ZC3H12B: variants seen among roughly 807,000 people sequenced by gnomAD.
ZC3H12B encodes the protein zinc finger CCCH-type containing 12B.
A neutral mutation model predicts 43.9 loss-of-function variants in ZC3H12B; 7 were observed. The ratio of observed to expected loss-of-function variants is 0.16; its 90% CI spans 0.09 to 0.30. ZC3H12B has a LOEUF of 0.30. Among genes scored for constraint, ZC3H12B ranks in the 10% least tolerant of loss-of-function variants. ZC3H12B has a pLI of 1.00. For synonymous variants in ZC3H12B, 222 were observed against 241.7 expected (o/e 0.92, Z 0.76); for missense variants, 475 against 670.2 (o/e 0.71, Z 3.22).
At chrX:65,086,106 A>G in the ZC3H12B span, among the ~76,000 whole-genome samples, 1 of 102,305 alleles carries the variant, frequency 9.8e-6, no homozygotes, top group African/African-American at 3.7e-5. Context: ...TTTATCTGTC[A>G]TGTCTTTTTG....
chrX:65,286,036 A>T, the ZC3H12B span, among the ~76,000 whole-genome samples: 2 of 111,931 alleles, frequency 1.8e-5, no homozygotes, highest in Non-Finnish European at 3.8e-5. Context: ...CGGAACTACC[A>T]TTCAATCCAG....
At chrX:65,142,036 G>A in the ZC3H12B span, among the ~76,000 whole-genome samples, 1 of 111,942 alleles carries the variant, frequency 8.9e-6, no homozygotes, top group Non-Finnish European at 1.9e-5. Flanking sequence ...CCCAGTAGTG[G>A]GATTGCTGAA....
the ZC3H12B span, among the ~76,000 whole-genome samples, chrX:65,127,552 G>A: frequency 1.8e-5 from 2 of 110,894 alleles, no homozygotes; most frequent in Admixed American, 1.9e-4. Context: ...AAGTATTCAG[G>A]TTTTTCAGGT....
At chrX:65,242,260 T>C in the ZC3H12B span, among the ~76,000 whole-genome samples, 1 of 111,773 alleles carries the variant, frequency 8.9e-6, no homozygotes, top group African/African-American at 3.3e-5. Flanking sequence ...GAAGTTTTCA[T>C]TCTTCTCTGT....
chrX:65,316,042 A>C, the ZC3H12B span, among the ~76,000 whole-genome samples: 2 of 111,903 alleles, frequency 1.8e-5, no homozygotes, highest in Non-Finnish European at 3.8e-5. Flanking sequence ...AAGTAATAAC[A>C]GCAGAATTGA....
At chrX:65,504,020 T>A (rs375918886) in exon 5 of ZC3H12B, 1 of 112,500 alleles carries the variant, frequency 8.9e-6, no homozygotes, top group South Asian at 3.7e-4. Flanking sequence ...TGAATTAACC[T>A]TTTAGGTTTT....
chrX:65,112,606 T>C, the ZC3H12B span, among the ~76,000 whole-genome samples: 1 of 111,673 alleles, frequency 9.0e-6, no homozygotes, highest in African/African-American at 3.3e-5. Flanking sequence ...AAAATTATGC[T>C]AAATCTACTA....
exon 5 of ZC3H12B, chrX:65,506,811 G>T (rs780544288): frequency 9.0e-6 from 1 of 111,150 alleles, no homozygotes; most frequent in African/African-American, 3.3e-5. Context: ...CAAAGGAAAA[G>T]AAGCCTTTTC....
chrX:65,145,950 G>A, the ZC3H12B span, among the ~76,000 whole-genome samples: 1 of 111,256 alleles, frequency 9.0e-6, no homozygotes, highest in Non-Finnish European at 1.9e-5. Context: ...ATAACCTGAT[G>A]ACAATGCCTA....
At chrX:65,050,050 GTTAT>G in the ZC3H12B span, among the ~76,000 whole-genome samples, 2 of 110,805 alleles carry the variant, frequency 1.8e-5, no homozygotes, top group Non-Finnish European at 3.8e-5. Context: ...TGACCTATTG[GTTAT>G]TCAAAAGTGT....
chrX:65,176,157 C>A, the ZC3H12B span, among the ~76,000 whole-genome samples: 1 of 111,959 alleles, frequency 8.9e-6, no homozygotes, highest in Non-Finnish European at 1.9e-5. Context: ...TTCTAGCTGC[C>A]AGGACAGCAG....
At chrX:65,155,242 T>C in the ZC3H12B span, among the ~76,000 whole-genome samples, 3 of 110,729 alleles carry the variant, frequency 2.7e-5, no homozygotes, top group Non-Finnish European at 5.7e-5. Flanking sequence ...ACAGGCATGA[T>C]CCACTGAGTC....
the ZC3H12B span, among the ~76,000 whole-genome samples, chrX:65,145,871 T>G: frequency 9.0e-6 from 1 of 111,499 alleles, no homozygotes; most frequent in African/African-American, 3.3e-5. Flanking sequence ...CACATAGGTT[T>G]TCCTTTATAG....
chrX:65,134,118 AG>A, the ZC3H12B span, among the ~76,000 whole-genome samples: 1 of 110,819 alleles, frequency 9.0e-6, no homozygotes, highest in African/African-American at 3.3e-5. Flanking sequence ...AGGGAGAAGA[AG>A]GGGGAATGGA....
chrX:65,068,158 G>A, the ZC3H12B span, among the ~76,000 whole-genome samples: 1 of 94,828 alleles, frequency 1.1e-5, no homozygotes, highest in East Asian at 3.2e-4. Context: ...GAACAGATCA[G>A]TGTGTCTTGC....
chrX:65,163,456 A>G, the ZC3H12B span, among the ~76,000 whole-genome samples: 5 of 110,925 alleles, frequency 4.5e-5, no homozygotes, highest in Non-Finnish European at 9.4e-5. Flanking sequence ...TTGTTTACCT[A>G]AGCAAGCCTG....
chrX:65,112,747 C>T, the ZC3H12B span, among the ~76,000 whole-genome samples: 3 of 111,709 alleles, frequency 2.7e-5, no homozygotes, highest in South Asian at 1.1e-3. Flanking sequence ...AATATTACTG[C>T]TTATTGACAA....
chrX:65,374,125 T>G (rs1352170088), intron 2 of ZC3H12B, among the ~76,000 whole-genome samples: 270 of 75,378 alleles, frequency 3.6e-3, no homozygotes, highest in Middle Eastern at 6.5e-3. Context: ...TATAACTATA[T>G]ATAGTGTATA....
At chrX:65,371,736 C>A (rs2066247731) in intron 2 of ZC3H12B, among the ~76,000 whole-genome samples, 1 of 111,774 alleles carries the variant, frequency 8.9e-6, no homozygotes, top group Non-Finnish European at 1.9e-5. Flanking sequence ...CCTTTAATAT[C>A]ATTTGAAGAA....
Sources: allele counts gnomAD v4.1 joint callset (sites outside exome capture counted in the v4.1 genomes callset), GRCh38; gene constraint gnomAD v4.1.1; transcripts MANE v1.5; gene names NCBI Gene and HGNC (gene_info 2026-07-23, HGNC 2026-07-21).